Variants in NRG2 observed in about 807,000 individuals in gnomAD.
NRG2 encodes neuregulin 2.
Under a neutral mutation model 73.9 loss-of-function variants are expected in NRG2, and 27 were observed. That is an observed-to-expected ratio of 0.37 (90% CI 0.27 to 0.50). The LOEUF (loss-of-function observed/expected upper bound fraction) is 0.50. Among genes scored for constraint, NRG2 ranks in the 20% least tolerant of loss-of-function variants. The probability of loss-of-function intolerance (pLI) is 0.96; values close to 1 mark genes in which losing one functional copy is unlikely to be tolerated. For synonymous variants in NRG2, 532 were observed against 541.0 expected, an observed-to-expected ratio of 0.98 and a Z score of 0.23; for missense variants, 1,126 against 1,210.1, an observed-to-expected ratio of 0.93 and a Z score of 1.03.
chr5:139,860,563 C>T (rs534314961), intron 5 of NRG2, among the ~76,000 whole-genome samples: 5 of 152,066 alleles, frequency 3.3e-5, no homozygotes, highest in African/African-American at 7.3e-5. Context: ...TACTTGACAC[C>T]GCAACACCCT....
At chr5:139,935,038 G>A (rs1006499654) in intron 1 of NRG2, among the ~76,000 whole-genome samples, 1 of 151,958 alleles carries the variant, frequency 6.6e-6, no homozygotes, top group Non-Finnish European at 1.5e-5. Context: ...GTGGTGGTGC[G>A]TGCCTGTAGT....
chr5:139,873,998 C>A (rs1763021976), intron 3 of NRG2, among the ~76,000 whole-genome samples: 1 of 152,194 alleles, frequency 6.6e-6, no homozygotes, highest in African/African-American at 2.4e-5. Context: ...ATTTGGGGAG[C>A]CAGTCACAGA....
chr5:139,990,659 G>A (rs1370943457), intron 1 of NRG2, among the ~76,000 whole-genome samples: 1 of 152,080 alleles, frequency 6.6e-6, no homozygotes, highest in Non-Finnish European at 1.5e-5. Context: ...TTCCAACACT[G>A]GCATTATCAA....
At chr5:139,965,697 C>T (rs1287958196) in intron 1 of NRG2, among the ~76,000 whole-genome samples, 1 of 152,230 alleles carries the variant, frequency 6.6e-6, no homozygotes, top group Non-Finnish European at 1.5e-5. Flanking sequence ...CAAGATATAT[C>T]TCCTTCCCAG....
At chr5:140,011,743 G>A (rs1281925501) in intron 1 of NRG2, among the ~76,000 whole-genome samples, 3 of 152,204 alleles carry the variant, frequency 2.0e-5, no homozygotes, top group Non-Finnish European at 4.4e-5. Context: ...CCTTGTGAAA[G>A]TCCCTAGACT....
intron 1 of NRG2, among the ~76,000 whole-genome samples, chr5:139,932,174 G>T (rs918138789): frequency 2.0e-5 from 3 of 151,810 alleles, no homozygotes; most frequent in Non-Finnish European, 4.4e-5. Flanking sequence ...CCAAGATATG[G>T]AAACAATCTA....
intron 1 of NRG2, among the ~76,000 whole-genome samples, chr5:140,013,920 C>T (rs192345861): frequency 2.0e-5 from 3 of 152,168 alleles, no homozygotes; most frequent in East Asian, 1.9e-4. Flanking sequence ...TTTTCTCAGT[C>T]GTCTTTTCTG....
intron 1 of NRG2, among the ~76,000 whole-genome samples, chr5:139,896,762 T>G (rs78123832): frequency 2.3e-4 from 35 of 152,298 alleles, no homozygotes; most frequent in Admixed American, 1.2e-3. Flanking sequence ...CTCCATCATC[T>G]GCCAGGCCCT....
In NRG2 at chr5:139,848,092, G is replaced by A; in HGVS notation, c.2378C>T (p.Thr793Ile). ...DADGALAAES[T>I]PFLGLRGAHD... Reference sequence around the variant, plus strand: ...CGCCCCACGCAGGCCCAGGAAAGGTGTGCTCTCGGCCGCCAGCGCCCCGTC... The same window carrying A: ...CGCCCCACGCAGGCCCAGGAAAGGTATGCTCTCGGCCGCCAGCGCCCCGTC... The change falls in exon 10 of 10, where the codon ACA becomes ATA. Residue 793 changes from threonine (T) to isoleucine (I), a missense_variant. Coordinates refer to ENST00000361474, the MANE Select transcript of NRG2 (RefSeq NM_004883.3). The A allele has an allele frequency of 6.7e-7, 1 of 1,487,660 alleles. No homozygotes were observed. Among genetic ancestry groups the A allele is most frequent in the Non-Finnish European group, 8.9e-7 (1 of 1,126,466 alleles). 92.2% of individuals were successfully genotyped at this position (1,487,660 alleles called of 1,614,324 possible).
At chr5:139,994,560 T>C (rs1306645246) in intron 1 of NRG2, among the ~76,000 whole-genome samples, 3 of 152,210 alleles carry the variant, frequency 2.0e-5, no homozygotes, top group East Asian at 1.9e-4. Context: ...GTTCTGAAGA[T>C]CTGTTACACA....
intron 1 of NRG2, among the ~76,000 whole-genome samples, chr5:140,006,507 T>A (rs1281259865): frequency 2.0e-5 from 3 of 152,252 alleles, no homozygotes; most frequent in African/African-American, 7.2e-5. Context: ...TGTCATTCAG[T>A]ATTATCTCTA....
chr5:139,972,363 C>G (rs1036264699), intron 1 of NRG2, among the ~76,000 whole-genome samples: 1 of 152,104 alleles, frequency 6.6e-6, no homozygotes, highest in Non-Finnish European at 1.5e-5. Context: ...AAGAATGAAT[C>G]AAGAAGTAGA....
At chr5:140,038,441 T>C (rs1008007453) in intron 1 of NRG2, among the ~76,000 whole-genome samples, 1 of 152,228 alleles carries the variant, frequency 6.6e-6, no homozygotes, top group Non-Finnish European at 1.5e-5. Context: ...ATCAGCACAA[T>C]GATTAAGCAC....
intron 1 of NRG2, among the ~76,000 whole-genome samples, chr5:139,922,136 A>G (rs1488153148): frequency 1.3e-5 from 2 of 152,106 alleles, no homozygotes; most frequent in Non-Finnish European, 2.9e-5. Flanking sequence ...GACACTAAGA[A>G]GACAAGCAAT....
At chr5:139,962,246 G>A (rs949801115) in intron 1 of NRG2, among the ~76,000 whole-genome samples, 2 of 152,174 alleles carry the variant, frequency 1.3e-5, no homozygotes, top group Admixed American at 6.5e-5. Flanking sequence ...GGCAGACACC[G>A]AGTGCCAGAA....
intron 1 of NRG2, among the ~76,000 whole-genome samples, chr5:140,011,826 C>T (rs575770085): frequency 6.6e-6 from 1 of 152,330 alleles, no homozygotes; most frequent in Non-Finnish European, 1.5e-5. Flanking sequence ...TAACCCACTA[C>T]ATTTTGGGGT....
intron 1 of NRG2, among the ~76,000 whole-genome samples, chr5:139,901,500 C>T (rs903358517): frequency 1.3e-5 from 2 of 152,196 alleles, no homozygotes; most frequent in Non-Finnish European, 2.9e-5. Flanking sequence ...CATATCCCAC[C>T]TCTGACCTGG....
intron 1 of NRG2, among the ~76,000 whole-genome samples, chr5:139,891,238 G>C (rs1385871262): frequency 1.3e-5 from 2 of 152,202 alleles, no homozygotes; most frequent in Admixed American, 6.5e-5. Context: ...CCACTGCTTA[G>C]TGGTGATGGT....
At chr5:139,918,149 A>T (rs1226440236) in intron 1 of NRG2, among the ~76,000 whole-genome samples, 3 of 152,190 alleles carry the variant, frequency 2.0e-5, no homozygotes, top group South Asian at 4.1e-4. Flanking sequence ...TGCATTTTTT[A>T]AAAAATAAAT....
Sources: allele counts gnomAD v4.1 joint callset (sites outside exome capture counted in the v4.1 genomes callset), GRCh38; gene constraint gnomAD v4.1.1; transcripts MANE v1.5; gene names NCBI Gene and HGNC (gene_info 2026-07-23, HGNC 2026-07-21).